SYNE2: variants seen among roughly 807,000 people sequenced by gnomAD.
The protein encoded by SYNE2 is nesprin-2.
Under a neutral mutation model 856.3 loss-of-function variants are expected in SYNE2, and 431 were observed. That is an observed-to-expected ratio of 0.50 (90% confidence interval 0.47 to 0.55). The LOEUF (loss-of-function observed/expected upper bound fraction) is 0.55. SYNE2 is among the 20% of genes least tolerant of loss of function. The probability of loss-of-function intolerance (pLI) is 0.00; values close to 1 mark genes in which losing one functional copy is unlikely to be tolerated. For missense variants in SYNE2, 8,129 were observed against 8,023.2 expected, an observed-to-expected ratio of 1.01 and a Z score of -0.50; for synonymous variants, 2,923 against 2,872.3, an observed-to-expected ratio of 1.02 and a Z score of -0.56.
At chr14:64,121,989 A>C in intron 68 of SYNE2, 23 bp from the exon 69 acceptor site, 1 of 1,612,826 alleles carries the variant, frequency 6.2e-7, no homozygotes, top group African/African-American at 1.3e-5. Context: ...GGATTGGACC[A>C]TTTGAATCTC....
chr14:64,040,283 TG>T (rs1335803127), intron 45 of SYNE2, among the ~76,000 whole-genome samples: 1 of 151,688 alleles, frequency 6.6e-6, no homozygotes, highest in East Asian at 1.9e-4. Context: ...CCTAAGAAAG[TG>T]AGATAATGCA....
chr14:63,990,160 T>A (rs2096656138), intron 19 of SYNE2, among the ~76,000 whole-genome samples: 1 of 152,254 alleles, frequency 6.6e-6, no homozygotes, highest in African/African-American at 2.4e-5. Context: ...TCTATTGTCA[T>A]TGTATTACTT....
In SYNE2 at chr14:63,967,749, A is replaced by G. The variant is rs776084455; in HGVS notation, c.1031A>G (p.Lys344Arg). 2.8e-5 allele frequency: 46 copies of G among 1,614,066 alleles called. No homozygotes were observed. Among genetic ancestry groups the G allele is most frequent in the South Asian group, 3.3e-5 (3 of 91,090 alleles). ...ATGGAGTCATTCAATGAAGAAAAAA[A>G]GTCCTTTTTGGATGTCCTGTCAATA... ...SFMESFNEEK[K>R]SFLDVLSIKR... The change falls in exon 11 of 116, where the codon AAG (lysine) becomes AGG (arginine). Residue 344 changes from lysine to arginine, a missense_variant. Coordinates refer to ENST00000555002, the MANE Select transcript of SYNE2 (RefSeq NM_182914.3).
At chr14:63,823,247 C>T (rs1001239770) in intron 1 of SYNE2, among the ~76,000 whole-genome samples, 4 of 151,486 alleles carry the variant, frequency 2.6e-5, no homozygotes, top group Non-Finnish European at 4.4e-5. Context: ...GGCGCAATCT[C>T]GGCTCACTGC....
chr14:63,945,355 G>A (rs910696284), intron 6 of SYNE2, among the ~76,000 whole-genome samples: 2 of 151,968 alleles, frequency 1.3e-5, no homozygotes, highest in Admixed American at 6.6e-5. Flanking sequence ...TGAGCTCTGT[G>A]GATAAGTGTA....
At chr14:64,142,601 A>G (rs1445251955) in intron 82 of SYNE2, among the ~76,000 whole-genome samples, 1 of 152,108 alleles carries the variant, frequency 6.6e-6, no homozygotes, top group Non-Finnish European at 1.5e-5. Flanking sequence ...CCATGATGCT[A>G]TTAGTAGCTC....
intron 1 of SYNE2, among the ~76,000 whole-genome samples, chr14:63,786,574 ACTAT>A (rs1215479209): frequency 1.3e-5 from 2 of 152,116 alleles, no homozygotes; most frequent in African/African-American, 4.8e-5. Flanking sequence ...AGTTTTGTAA[ACTAT>A]CTGTTGGTTT....
At chr14:63,924,862 T>TTTTTTTTTTTC (rs1595671080) in intron 2 of SYNE2, among the ~76,000 whole-genome samples, 1 of 140,148 alleles carries the variant, frequency 7.1e-6, no homozygotes, top group Admixed American at 7.3e-5. Context: ...TTTTTTTTTT[T>TTTTTTTTTTTC]TGCCTTACTC....
chr14:63,949,163 T>C (rs950885909), intron 6 of SYNE2, among the ~76,000 whole-genome samples: 4 of 152,146 alleles, frequency 2.6e-5, no homozygotes. Flanking sequence ...TTTGGGTAGA[T>C]ACCATATCGC....
intron 2 of SYNE2, among the ~76,000 whole-genome samples, chr14:63,931,695 A>T (rs1211485478): frequency 1.3e-5 from 2 of 152,190 alleles, no homozygotes; most frequent in Non-Finnish European, 2.9e-5. Flanking sequence ...TTCAATCAGC[A>T]AATATTTATT....
chr14:64,134,123 C>T lies in SYNE2; in HGVS notation c.14569C>T (p.Leu4857Phe). 1.9e-6 allele frequency: 3 copies of T among 1,613,950 alleles called. No individual in the cohort carries two copies. The highest frequency in any genetic ancestry group is 2.2e-5 in the East Asian group (1 of 44,862). ...ATCTCTTGAAAAGGACCTGGAAATT[C>T]TTATATCTACATTGCCCTCTGTGAG... ...YASLEKDLEI[L>F]ISTLPSVSLV... Residue 4857 changes from leucine (L) to phenylalanine (F), a missense_variant, in exon 78 of 116, where the codon CTT (leucine) becomes TTT (phenylalanine). Coordinates refer to ENST00000555002, the MANE Select transcript of SYNE2 (RefSeq NM_182914.3).
Position 63,981,310 on chromosome 14 carries a change from G to T in SYNE2, c.1836+137G>T, listed in dbSNP as rs1044375339. The stretch of plus-strand genomic sequence containing the variant: ...GGAAAATTCTTCAAGGTCTTGGAAA[G>T]AATTTAGTTTCTTCCTGATATAATT... On this transcript the variant is annotated intron_variant, in intron 16 of 115. Coordinates refer to ENST00000555002, the MANE Select transcript of SYNE2 (RefSeq NM_182914.3). 77 of 772,456 alleles carry T rather than the reference G, an allele frequency of 1.0e-4. No homozygotes were observed. The African/African-American group carries it at 1.2e-3, about 12-fold the overall frequency. The allele number at this position is 772,456 out of a possible 1,614,324, so 47.9% of individuals were successfully genotyped here.
At chr14:64,099,447 T>A (rs942972359) in intron 63 of SYNE2, 19 of 167,744 alleles carry the variant, frequency 1.1e-4, no homozygotes, top group Non-Finnish European at 5.2e-5. Flanking sequence ...ATAGCTCCAC[T>A]CTCACACAGA....
At chr14:64,177,631 G>A (rs565997854) in intron 96 of SYNE2, 148 bp downstream of exon 96, 14 of 1,063,074 alleles carry the variant, frequency 1.3e-5, no homozygotes, top group African/African-American at 9.6e-5. Flanking sequence ...TAACATGCTC[G>A]TCTCTTAAGG....
At position 64,031,011 on chromosome 14, in the gene SYNE2, C is replaced by T. The variant is rs187173455; in HGVS notation, c.6880-5C>T. 4.0e-4 allele frequency: 641 copies of T among 1,607,230 alleles called. 2 individuals carry two copies. The African/African-American group carries it at 7.1e-3, about 18-fold the overall frequency. Reference sequence around the variant, plus strand: ...GAGATATAACAATCTTTTCTCCACTCGTAGGAACTAGAGAATAGACTCAGT... The same window carrying T: ...GAGATATAACAATCTTTTCTCCACTTGTAGGAACTAGAGAATAGACTCAGT... On this transcript the variant is annotated splice_polypyrimidine_tract_variant and splice_region_variant and intron_variant, in intron 44 of 115. Coordinates refer to ENST00000555002, the MANE Select transcript of SYNE2 (RefSeq NM_182914.3).
At chr14:64,062,665 G>C in intron 49 of SYNE2, 86 bp from the exon 50 acceptor site, 1 of 1,241,928 alleles carries the variant, frequency 8.1e-7, no homozygotes, top group Non-Finnish European at 1.2e-6. Flanking sequence ...TAAAAATTAA[G>C]TGTGGAATAT....
At chr14:63,880,136 A>T (rs1381469051) in intron 1 of SYNE2, among the ~76,000 whole-genome samples, 1 of 151,990 alleles carries the variant, frequency 6.6e-6, no homozygotes, top group Non-Finnish European at 1.5e-5. Flanking sequence ...TGTTGCCCAG[A>T]CTGGAGTGCA....
At chr14:63,788,068 C>T (rs1460996897) in intron 1 of SYNE2, among the ~76,000 whole-genome samples, 2 of 152,216 alleles carry the variant, frequency 1.3e-5, no homozygotes, top group Non-Finnish European at 2.9e-5. Flanking sequence ...GCAGCAGAGG[C>T]GGCAGAGGGC....
At chr14:64,225,111 C>G (rs1567706773) in intron 115 of SYNE2, 66 bp downstream of exon 115, 2 of 1,587,372 alleles carry the variant, frequency 1.3e-6, no homozygotes, top group Non-Finnish European at 1.7e-6. Flanking sequence ...CTCAGTCTTG[C>G]CAATGCCACT....
Sources: gnomAD v4.1 joint callset for allele counts (sites outside exome capture counted in the v4.1 genomes callset) on GRCh38, gnomAD v4.1.1 for gene constraint, MANE v1.5 for transcripts, NCBI Gene and HGNC (gene_info 2026-07-23, HGNC 2026-07-21) for gene names.